Variants in SPEG observed in about 807,000 individuals in gnomAD.
SPEG encodes striated muscle enriched protein kinase.
Under a neutral mutation model 300.4 loss-of-function variants are expected in SPEG, and 114 were observed. The ratio of observed to expected loss-of-function variants is 0.38; its 90% confidence interval spans 0.33 to 0.44. The LOEUF is 0.44. SPEG is among the 20% of genes least tolerant of loss of function. The pLI, the probability that SPEG is intolerant of heterozygous loss-of-function variation, is 1.00. For missense variants in SPEG, 4,201 were observed against 4,586.2 expected (o/e 0.92, Z 2.43); for synonymous variants, 1,964 against 2,018.9 (o/e 0.97, Z 0.73).
intron 6 of SPEG, chr2:219,460,650 C>T: frequency 1.0e-6 from 1 of 985,618 alleles, no homozygotes; most frequent in Non-Finnish European, 1.2e-6. Flanking sequence ...ATCCAGACGG[C>T]CGCGCTCCGC....
At position 219,493,126 on chromosome 2, in the gene SPEG, G is replaced by A; in HGVS notation, c.*340G>A. On this transcript the variant is annotated 3_prime_UTR_variant, in exon 41 of 41. Transcript: ENST00000312358. ...GGAAGGTTCTGGGTTGGGGGTCAGT[G>A]CATCTCAGGGAGAACCAAGGAAGGT... is the stretch of plus-strand genomic sequence containing the variant. 1 of 520,398 alleles carries A rather than the reference G, an allele frequency of 1.9e-6. No homozygotes were observed. Among genetic ancestry groups the A allele is most frequent in the Non-Finnish European group, 3.6e-6 (1 of 276,328 alleles). 32.2% of individuals were successfully genotyped at this position (520,398 alleles called of 1,614,324 possible).
chr2:219,490,027 C>T (rs1693817471), intron 36 of SPEG, 88 bp downstream of exon 36: 1 of 1,465,746 alleles, frequency 6.8e-7, no homozygotes, highest in Admixed American at 2.3e-5. Context: ...CCAGACTGTC[C>T]TGGCTGGGGT....
rs1221479233 is a variant in SPEG at position 219,493,434 on chromosome 2, C to T, written c.*648C>T. On this transcript the variant is annotated 3_prime_UTR_variant, in exon 41 of 41. Coordinates refer to ENST00000312358, the MANE Select transcript of SPEG (RefSeq NM_005876.5). The stretch of plus-strand genomic sequence containing the variant: ...TGTCCAGTGGATACAGCCCTGGGCG[C>T]TCTGCTGGCCCAAGGATGTCCCCAC... The T allele has an allele frequency of 4.9e-6, 2 of 410,038 alleles. No individual in the cohort carries two copies. The highest frequency in any genetic ancestry group is 2.0e-5 in the African/African-American group (1 of 49,292). The allele number at this position is 410,038 out of a possible 1,614,324, so 25.4% of individuals were successfully genotyped here. A position where few individuals can be genotyped will look rare whatever the true frequency, so the allele number is the denominator to read the frequency against.
rs112377479 is a variant in SPEG, at chr2:219,481,231, C to T, written c.5370-73C>T. On this transcript the variant is annotated intron_variant, in intron 26 of 40. Coordinates refer to ENST00000312358, the MANE Select transcript of SPEG (RefSeq NM_005876.5). This position sits in a 1 kb window ranked among gnomAD's most constrained non-coding sequence, Gnocchi z 5.4. ...CAACCCCAGAGCCTCCATCTGTCCC[C>T]AGCCCTGTGCCCCCACTGACATTCC... The T allele has an allele frequency of 7.9e-6, 12 of 1,515,466 alleles. No individual in the cohort carries two copies. The Admixed American group carries it at 1.9e-4, about 24-fold the overall frequency. The allele number at this position is 1,515,466 out of a possible 1,614,324, so 93.9% of individuals were successfully genotyped here.
At chr2:219,460,237 G>A (rs771069501) in intron 6 of SPEG, 553 of 908,624 alleles carry the variant, frequency 6.1e-4, no homozygotes, top group Non-Finnish European at 7.1e-4. Flanking sequence ...GGGATTCTGG[G>A]CCCCCTCAGA....
Position 219,451,032 on chromosome 2 carries a change from G to A in SPEG, c.2114-104G>A. 2 of 1,219,238 alleles carry A rather than the reference G, an allele frequency of 1.6e-6. No individual in the cohort carries two copies. The highest frequency in any genetic ancestry group is 2.2e-6 in the Non-Finnish European group (2 of 898,348). 75.5% of individuals were successfully genotyped at this position (1,219,238 alleles called of 1,614,324 possible). Reference sequence around the variant, plus strand: ...GTCCCTGCTTTCTAGAAGCCCCTCTGTCTGGGTTTGGCTTTCTAGGATGCA... The same window carrying A: ...GTCCCTGCTTTCTAGAAGCCCCTCTATCTGGGTTTGGCTTTCTAGGATGCA... On this transcript the variant is annotated intron_variant, in intron 4 of 40. Transcript: ENST00000312358. The surrounding 1 kb of genome is among the most constrained non-coding windows in gnomAD (Gnocchi z 6.4).
At position 219,467,418 on chromosome 2, in the gene SPEG, G is replaced by A. The variant is rs1490557620; in HGVS notation, c.3126G>A (p.Lys1042=). 3.7e-6 allele frequency: 6 copies of A among 1,604,448 alleles called. No individual in the cohort carries two copies. Among genetic ancestry groups the A allele is most frequent in the Non-Finnish European group, 5.1e-6 (6 of 1,174,424 alleles). Residue 1042 remains lysine (K), a synonymous_variant, in exon 10 of 41, where the codon AAG becomes AAA. Coordinates refer to ENST00000312358, the MANE Select transcript of SPEG (RefSeq NM_005876.5). Reference sequence around the variant, plus strand: ...ACGACAGTGGCGTCTACACCTGCAAGCTCAGCACGGCCAAAGGTAACTCCC... The same window carrying A: ...ACGACAGTGGCGTCTACACCTGCAAACTCAGCACGGCCAAAGGTAACTCCC... ...HEDDSGVYTC[K]LSTAKDELTC... is the part of the protein sequence containing the mutation.
rs1326605961 is a variant in SPEG at position 219,439,136 on chromosome 2, A to G, written c.388+3771A>G. On this transcript the variant is annotated intron_variant, in intron 1 of 40. Transcript: ENST00000312358. The surrounding 1 kb of genome is among the most constrained non-coding windows in gnomAD (Gnocchi z 4.5). Reference sequence around the variant, plus strand: ...ATGAGAGATGGTCACTTTTCTGGCTAAAGACCTCTGGGGACAGAATATGGG... The same window carrying G: ...ATGAGAGATGGTCACTTTTCTGGCTGAAGACCTCTGGGGACAGAATATGGG... Among the ~76,000 whole-genome samples, 2 of 152,104 alleles carry G rather than the reference A, an allele frequency of 1.3e-5. No individual in the cohort carries two copies. The highest frequency in any genetic ancestry group is 2.9e-5 in the Non-Finnish European group (2 of 68,000).
In SPEG at chr2:219,444,779, G is replaced by A; in HGVS notation, c.478+37G>A. On this transcript the variant is annotated intron_variant, in intron 2 of 40. Coordinates refer to ENST00000312358, the MANE Select transcript of SPEG (RefSeq NM_005876.5). The surrounding 1 kb of genome is among the most constrained non-coding windows in gnomAD (Gnocchi z 7.8). ...GGGTGTACAAAGAGCAGGCAGGCGG[G>A]TTTTCCATAAGGGGTGCCTCAGTCT... The A allele has an allele frequency of 6.2e-7, 1 of 1,612,396 alleles. No homozygotes were observed. Among genetic ancestry groups the A allele is most frequent in the Non-Finnish European group, 8.5e-7 (1 of 1,178,978 alleles).
At chr2:219,462,185 C>T in intron 7 of SPEG, 113 bp from the exon 8 acceptor site, 2 of 1,203,310 alleles carry the variant, frequency 1.7e-6, no homozygotes, top group East Asian at 2.6e-5. Context: ...ACCCTCTTAC[C>T]CAGAGCCAGT....
Position 219,445,364 on chromosome 2 carries a change from C to G in SPEG, c.815+203C>G, listed in dbSNP as rs757494414. Among the ~76,000 whole-genome samples the G allele has an allele frequency of 6.6e-6, 1 of 152,164 alleles. No individual in the cohort carries two copies. The highest frequency in any genetic ancestry group is 1.5e-5 in the Non-Finnish European group (1 of 68,022). ...CACCGCCCACATCCCCCTGCTCCCA[C>G]CTGTCCTGGCTCACCATGCCATCTC... On this transcript the variant is annotated intron_variant, in intron 3 of 40. Transcript: ENST00000312358. The surrounding 1 kb of genome is among the most constrained non-coding windows in gnomAD (Gnocchi z 6.1).
chr2:219,476,608 G>A (rs1692364236), intron 18 of SPEG, among the ~76,000 whole-genome samples: 1 of 151,960 alleles, frequency 6.6e-6, no homozygotes, highest in Non-Finnish European at 1.5e-5. Flanking sequence ...GTCAAACAAA[G>A]CAAGCCTGCA....
chr2:219,466,916 C>T (rs944645143), intron 9 of SPEG: 22 of 1,159,946 alleles, frequency 1.9e-5, no homozygotes, highest in Non-Finnish European at 1.1e-5. Flanking sequence ...ACCACGTGGC[C>T]CTCTCAGTTT....
Position 219,466,375 on chromosome 2 carries a change from C to T in SPEG, c.2882-799C>T, listed in dbSNP as rs560469527. The T allele has an allele frequency of 5.9e-5, 81 of 1,374,732 alleles. No individual in the cohort carries two copies. In the South Asian group the frequency reaches 6.8e-4, roughly 12 times the overall value. 85.2% of individuals were successfully genotyped at this position (1,374,732 alleles called of 1,614,324 possible). A position where few individuals can be genotyped will look rare whatever the true frequency, so the allele number is the denominator to read the frequency against. ...CGAGTCTCTCCCTGAAGGGGAGCACCGGGCGAGTGCATGTGCTACTGCTGC... is the reference window on the plus strand; with the variant it reads ...CGAGTCTCTCCCTGAAGGGGAGCACTGGGCGAGTGCATGTGCTACTGCTGC... On this transcript the variant is annotated intron_variant, in intron 9 of 40. Transcript: ENST00000312358.
rs1692769521 is a variant in SPEG, at chr2:219,480,787, A to AC, written c.5369+96dup. On this transcript the variant is annotated intron_variant, in intron 26 of 40. Coordinates refer to ENST00000312358, the MANE Select transcript of SPEG (RefSeq NM_005876.5). The surrounding 1 kb of genome is among the most constrained non-coding windows in gnomAD (Gnocchi z 5.3). ...TGCAGCCCACCCCCTTCTCTTCCGC[A>AC]CCCCCCACTCCTTCTTGCACTGCAA... The AC allele has an allele frequency of 8.3e-7, 1 of 1,203,960 alleles. No homozygotes were observed. 74.6% of individuals were successfully genotyped at this position (1,203,960 alleles called of 1,614,324 possible).
chr2:219,469,209 T>G lies in SPEG; in HGVS notation c.3545T>G (p.Leu1182Arg), dbSNP rs1440769262. 1.9e-6 allele frequency: 3 copies of G among 1,613,584 alleles called. No homozygotes were observed. Among genetic ancestry groups the G allele is most frequent in the Non-Finnish European group, 2.5e-6 (3 of 1,179,770 alleles). Residue 1182 changes from leucine to arginine, a missense_variant, in exon 13 of 41, where the codon CTG becomes CGG. Leu to Arg is a moderately radical substitution (Grantham distance 102). Around this residue, in one of 4 missense-constraint regions of SPEG, gnomAD observed 1,047 missense variants for 1,356.8 expected, o/e 0.77. Coordinates refer to ENST00000312358, the MANE Select transcript of SPEG (RefSeq NM_005876.5). ...CCCGAGGAGCCAGAGCAGGGTGAGCTGGAGCGGCTGTCCATTCCTGACTTC... is the reference window on the plus strand; with the variant it reads ...CCCGAGGAGCCAGAGCAGGGTGAGCGGGAGCGGCTGTCCATTCCTGACTTC... Reference protein sequence around the residue: ...SIPEEPEQGELERLSIPDFLR... With the variant: ...SIPEEPEQGERERLSIPDFLR...
chr2:219,479,246 A>G lies in SPEG; in HGVS notation c.5085+45A>G. On this transcript the variant is annotated intron_variant, in intron 23 of 40. Coordinates refer to ENST00000312358, the MANE Select transcript of SPEG (RefSeq NM_005876.5). The surrounding 1 kb of genome is among the most constrained non-coding windows in gnomAD (Gnocchi z 5.5). ...GGGGCCAGGTTGGGCACCAGCCTTC[A>G]CCCACCTGAGCTTTGAGAACCAACA... is the stretch of plus-strand genomic sequence containing the variant. The G allele has an allele frequency of 6.4e-7, 1 of 1,555,648 alleles. No homozygotes were observed. The highest frequency in any genetic ancestry group is 8.9e-7 in the Non-Finnish European group (1 of 1,129,606).
Position 219,451,821 on chromosome 2 carries a change from C to T in SPEG, c.2440+14C>T. 3.3e-6 allele frequency: 5 copies of T among 1,519,776 alleles called. No individual in the cohort carries two copies. The highest frequency in any genetic ancestry group is 4.4e-6 in the Non-Finnish European group (5 of 1,128,982). 94.1% of individuals were successfully genotyped at this position (1,519,776 alleles called of 1,614,324 possible). The stretch of plus-strand genomic sequence containing the variant: ...CCGTGAGACCCGGTAGGGAGCCCAT[C>T]AACCCTGGGGCTGGGTGGGGGCAAG... On this transcript the variant is annotated intron_variant, in intron 6 of 40. Transcript: ENST00000312358. This position sits in a 1 kb window ranked among gnomAD's most constrained non-coding sequence, Gnocchi z 6.4.
chr2:219,441,579 G>A (rs1253036219), intron 1 of SPEG: 1 of 470,818 alleles, frequency 2.1e-6, no homozygotes. Context: ...CTTCCAGAGA[G>A]GCCCCGCGGG....
Sources: allele counts gnomAD v4.1 joint callset (sites outside exome capture counted in the v4.1 genomes callset), GRCh38; gene constraint gnomAD v4.1.1; regional missense constraint gnomAD v4.1.1; non-coding constraint Gnocchi (gnomAD v3.1); transcripts MANE v1.5; gene names NCBI Gene and HGNC (gene_info 2026-07-23, HGNC 2026-07-21).